CRYBG1: variants seen among roughly 807,000 people sequenced by gnomAD.
The protein encoded by CRYBG1 is beta/gamma crystallin domain-containing protein 1.
Under a neutral mutation model 189.2 loss-of-function variants are expected in CRYBG1, and 139 were observed. The observed-to-expected ratio is 0.73, with a 90% CI of 0.64 to 0.85. The LOEUF (loss-of-function observed/expected upper bound fraction) is 0.85. Ranked by LOEUF, CRYBG1 falls within the 40% of genes least tolerant of loss-of-function variation. CRYBG1 has a pLI of 0.00. For missense variants in CRYBG1, 2,611 were observed against 2,675.8 expected (o/e 0.98, Z 0.53); for synonymous variants, 1,023 against 1,017.1 (o/e 1.01, Z -0.11).
At chr6:106,391,028 C>T (rs1350736217) in intron 1 of CRYBG1, among the ~76,000 whole-genome samples, 1 of 152,140 alleles carries the variant, frequency 6.6e-6, no homozygotes, top group Admixed American at 6.5e-5. Flanking sequence ...TATCAGTGTA[C>T]ACTCCTACCA....
At chr6:106,465,035 C>T (rs531002168) in intron 2 of CRYBG1, among the ~76,000 whole-genome samples, 1 of 152,270 alleles carries the variant, frequency 6.6e-6, no homozygotes, top group South Asian at 2.1e-4. Context: ...ATTTATTCAT[C>T]TTTAAAACTC....
At chr6:106,446,058 C>A (rs1430791745) in intron 1 of CRYBG1, among the ~76,000 whole-genome samples, 1 of 152,070 alleles carries the variant, frequency 6.6e-6, no homozygotes, top group East Asian at 1.9e-4. Flanking sequence ...GGAACAATGT[C>A]TCTTCAAATC....
At chr6:106,547,919 T>C (rs568802071) in intron 13 of CRYBG1, among the ~76,000 whole-genome samples, 1 of 152,344 alleles carries the variant, frequency 6.6e-6, no homozygotes, top group South Asian at 2.1e-4. Flanking sequence ...CTTGCTCAAA[T>C]AGTGGAAACT....
chr6:106,481,278 C>G (rs561414659), intron 2 of CRYBG1, among the ~76,000 whole-genome samples: 1 of 151,164 alleles, frequency 6.6e-6, no homozygotes, highest in South Asian at 2.1e-4. Flanking sequence ...CCGGCCGAGA[C>G]TCTGTCTTAA....
At chr6:106,550,019 C>T (rs1276563347) in intron 13 of CRYBG1, among the ~76,000 whole-genome samples, 2 of 152,196 alleles carry the variant, frequency 1.3e-5, no homozygotes, top group African/African-American at 4.8e-5. Context: ...TAGGTTCAGT[C>T]ACGTTCTGGC....
chr6:106,457,238 G>A, intron 2 of CRYBG1: 1 of 152,188 alleles, frequency 6.6e-6, no homozygotes, highest in East Asian at 1.9e-4. Context: ...GAGTCCCAGG[G>A]CAGTATAAAG....
At chr6:106,476,521 C>T (rs1383829504) in intron 2 of CRYBG1, among the ~76,000 whole-genome samples, 1 of 152,168 alleles carries the variant, frequency 6.6e-6, no homozygotes, top group African/African-American at 2.4e-5. Context: ...AATTTCCTGG[C>T]AGCTATGACA....
At chr6:106,450,522 A>G (rs1396113020) in intron 1 of CRYBG1, among the ~76,000 whole-genome samples, 2 of 152,238 alleles carry the variant, frequency 1.3e-5, no homozygotes, top group African/African-American at 4.8e-5. Context: ...ACCTTGGATC[A>G]GGTATGATGC....
intron 1 of CRYBG1, among the ~76,000 whole-genome samples, chr6:106,375,655 G>T (rs1047872226): frequency 2.0e-4 from 30 of 152,130 alleles, no homozygotes; most frequent in African/African-American, 7.2e-4. Flanking sequence ...TGTGGAAACG[G>T]TCAGATCGGT....
chr6:106,365,451 C>CAAAA (rs10683623), intron 1 of CRYBG1, among the ~76,000 whole-genome samples: 9 of 140,148 alleles, frequency 6.4e-5, no homozygotes, highest in African/African-American at 1.3e-4. Flanking sequence ...GAAACAAAAC[C>CAAAA]AAAAAAAAAA....
intron 10 of CRYBG1, among the ~76,000 whole-genome samples, chr6:106,542,607 A>G (rs1255487512): frequency 1.6e-5 from 2 of 128,042 alleles, no homozygotes; most frequent in Non-Finnish European, 3.3e-5. Context: ...TATGATTAGA[A>G]CATTTTATTT....
intron 2 of CRYBG1, among the ~76,000 whole-genome samples, chr6:106,467,011 G>C (rs1772127782): frequency 6.6e-6 from 1 of 152,212 alleles, no homozygotes; most frequent in Admixed American, 6.5e-5. Flanking sequence ...AACCGACTGA[G>C]AGGCCGCTAA....
intron 2 of CRYBG1, among the ~76,000 whole-genome samples, chr6:106,483,434 G>T (rs1339483650): frequency 7.2e-6 from 1 of 139,772 alleles, no homozygotes; most frequent in Non-Finnish European, 1.6e-5. Flanking sequence ...ATTTATTGTT[G>T]GACAATTGAA....
intron 1 of CRYBG1, among the ~76,000 whole-genome samples, chr6:106,398,241 A>G (rs78116381): frequency 0.02 from 3,044 of 152,156 alleles, 104 homozygotes; most frequent in African/African-American, 0.069. Flanking sequence ...CCGGCCAGGT[A>G]CGTTGGCTCA....
At chr6:106,504,748 ATAGT>A (rs151187336) in intron 2 of CRYBG1, among the ~76,000 whole-genome samples, 5 of 152,148 alleles carry the variant, frequency 3.3e-5, no homozygotes, top group African/African-American at 1.2e-4. Context: ...GGTGGGGAGG[ATAGT>A]TAATTTATTT....
At chr6:106,559,723 T>C (rs546324184) in intron 18 of CRYBG1, among the ~76,000 whole-genome samples, 28 of 151,114 alleles carry the variant, frequency 1.9e-4, no homozygotes, top group Admixed American at 5.3e-4. Flanking sequence ...GAGGTGGAGG[T>C]TGCAGTGAGC....
chr6:106,520,373 C>G lies in CRYBG1; in HGVS notation c.3165C>G (p.Ser1055=), dbSNP rs1773567244. 6.2e-7 allele frequency: 1 copy of G among 1,614,134 alleles called. No individual in the cohort carries two copies. Among genetic ancestry groups the G allele is most frequent in the Non-Finnish European group, 8.5e-7 (1 of 1,180,032 alleles). The part of the protein sequence containing the change: ...QGSRTPLMAE[S]SPTNSPSSGN... ...GCAGAACACCCCTGATGGCTGAATC[C>G]AGTCCCACCAACTCTCCCAGCAGCG... is the stretch of plus-strand genomic sequence containing the variant. The change falls in exon 4 of 22, where the codon TCC becomes TCG. Residue 1055 remains serine (S), a synonymous_variant. Transcript: ENST00000633556.
chr6:106,372,820 C>T (rs1770066756), intron 1 of CRYBG1, among the ~76,000 whole-genome samples: 1 of 152,196 alleles, frequency 6.6e-6, no homozygotes, highest in Non-Finnish European at 1.5e-5. Context: ...ATTCAGTCTT[C>T]ATAGTAGCTG....
In CRYBG1 at chr6:106,545,120, C is replaced by G. The variant is rs542237215; in HGVS notation, c.5312+187C>G. 1.3e-5 allele frequency among the ~76,000 whole-genome samples: 2 copies of G among 152,110 alleles called. 1 individual carries two copies. Among genetic ancestry groups the G allele is most frequent in the Admixed American group, 1.3e-4 (2 of 15,270 alleles). ...ACTCTCTTTAAAAATCGTTCTCATA[C>G]CATCTCTTCTTTTTACGTTTGGGGT... On this transcript the variant is annotated intron_variant, in intron 13 of 21. Transcript: ENST00000633556.
Sources: allele counts gnomAD v4.1 joint callset (sites outside exome capture counted in the v4.1 genomes callset), GRCh38; gene constraint gnomAD v4.1.1; transcripts MANE v1.5; gene names NCBI Gene and HGNC (gene_info 2026-07-23, HGNC 2026-07-21).